CRYBG2: variants seen among roughly 807,000 people sequenced by gnomAD.
CRYBG2 encodes crystallin beta-gamma domain containing 2.
In CRYBG2, 106 loss-of-function variants were observed where a neutral mutation model predicts 153.4. The observed-to-expected ratio is 0.69, with a 90% CI of 0.59 to 0.81. The LOEUF (loss-of-function observed/expected upper bound fraction) is 0.81, where lower values mean the gene tolerates loss of function less well. Ranked by LOEUF, CRYBG2 falls within the 30% of genes least tolerant of loss-of-function variation. The probability of loss-of-function intolerance (pLI) is 0.00; values close to 1 mark genes in which losing one functional copy is unlikely to be tolerated. For missense variants in CRYBG2, 1,996 were observed against 2,112.0 expected, an observed-to-expected ratio of 0.95 and a Z score of 1.08; for synonymous variants, 851 against 877.8, an observed-to-expected ratio of 0.97 and a Z score of 0.54.
intron 18 of CRYBG2, among the ~76,000 whole-genome samples, 181 bp downstream of exon 18, chr1:26,323,971 C>T (rs980654673): frequency 1.3e-5 from 2 of 152,198 alleles, no homozygotes; most frequent in Non-Finnish European, 2.9e-5. Context: ...CTTGTTTTTA[C>T]AGACTGGGGC....
At position 26,346,038 on chromosome 1, in the gene CRYBG2, A is replaced by T; in HGVS notation, c.620T>A (p.Leu207Gln). 1.3e-6 allele frequency: 2 copies of T among 1,592,328 alleles called. No homozygotes were observed. The highest frequency in any genetic ancestry group is 1.7e-6 in the Non-Finnish European group (2 of 1,176,774). ...GCGGGAGACCTGACGGCCCCGTGGC[A>T]GGGCCTCGCCTGAGGACACTGGCCT... ...TVRPVSSGEA[L>Q]PRGRQVSRMV... Residue 207 changes from leucine (L) to glutamine (Q), a missense_variant, in exon 2 of 20, where the codon CTG becomes CAG. Physicochemically the swap from Leu to Gln is moderately radical, Grantham distance 113. Coordinates refer to ENST00000308182, the MANE Select transcript of CRYBG2 (RefSeq NM_001039775.4). This position sits in a 1 kb window ranked among gnomAD's most constrained non-coding sequence, Gnocchi z 4.9.
At chr1:26,341,455 T>G (rs1240474321) in intron 5 of CRYBG2, among the ~76,000 whole-genome samples, 4 of 152,354 alleles carry the variant, frequency 2.6e-5, no homozygotes, top group Admixed American at 2.6e-4. Context: ...AGTTTATTAC[T>G]GTGCGGTGAA....
chr1:26,350,319 C>T (rs1020586643), intron 1 of CRYBG2, among the ~76,000 whole-genome samples: 1 of 152,138 alleles, frequency 6.6e-6, no homozygotes, highest in Admixed American at 6.5e-5. Flanking sequence ...TAGGAACTCT[C>T]AGGTGAATTT....
intron 18 of CRYBG2, among the ~76,000 whole-genome samples, chr1:26,323,742 G>A (rs545800515): frequency 2.0e-5 from 3 of 152,154 alleles, no homozygotes; most frequent in African/African-American, 7.2e-5. Context: ...AGCCTCTTGA[G>A]TACCTGAGAC....
chr1:26,322,722 TCTAGA>T (rs1202602853), intron 18 of CRYBG2, among the ~76,000 whole-genome samples: 1 of 152,194 alleles, frequency 6.6e-6, no homozygotes, highest in African/African-American at 2.4e-5. Context: ...CCCACGGTAC[TCTAGA>T]CTAAAGATTA....
In CRYBG2 at chr1:26,354,018, C is replaced by T. The variant is rs2074311690; in HGVS notation, c.-56+18G>A. The T allele has an allele frequency of 5.0e-6, 2 of 399,678 alleles. No individual in the cohort carries two copies. Among genetic ancestry groups the T allele is most frequent in the East Asian group, 7.1e-5 (2 of 28,080 alleles). The allele number at this position is 399,678 out of a possible 1,614,324, so 24.8% of individuals were successfully genotyped here. ...CAGCCAGGCCAGTCTCCCCTCCCAT[C>T]TCCACACACAGACCGACCTCTACTC... On this transcript the variant is annotated intron_variant, in intron 1 of 19. Coordinates refer to ENST00000308182, the MANE Select transcript of CRYBG2 (RefSeq NM_001039775.4).
At chr1:26,342,926 T>C (rs745941019) in intron 4 of CRYBG2, 43 bp from the exon 5 acceptor site, 3 of 1,611,646 alleles carry the variant, frequency 1.9e-6, no homozygotes, top group Admixed American at 3.4e-5. Flanking sequence ...GGGAGGAGGA[T>C]GTGCCCAGGG....
chr1:26,326,445 G>A (rs1429254600), intron 17 of CRYBG2, among the ~76,000 whole-genome samples: 1 of 151,772 alleles, frequency 6.6e-6, no homozygotes, highest in Non-Finnish European at 1.5e-5. Context: ...GGCTGAGGCA[G>A]GAGAATGGCA....
Position 26,328,238 on chromosome 1 carries a change from T to C in CRYBG2, c.4549A>G (p.Arg1517Gly), listed in dbSNP as rs2073955972. Residue 1517 changes from arginine to glycine, a missense_variant, in exon 17 of 20, where the codon AGG (arginine) becomes GGG (glycine). By Grantham distance (125) the Arg-to-Gly change is moderately radical (BLOSUM62 -2). Transcript: ENST00000308182. ...TTGATGGGGTAGAGGGAGCCCACCC[T>C]CTGGGTGCCGCTGTAGGTCAGCCAG... ...TNWLTYSGTQ[R>G]VGSLYPIKQR... The C allele has an allele frequency of 6.4e-7, 1 of 1,564,844 alleles. No homozygotes were observed. The highest frequency in any genetic ancestry group is 8.7e-7 in the Non-Finnish European group (1 of 1,154,630).
intron 1 of CRYBG2, among the ~76,000 whole-genome samples, chr1:26,351,251 C>G (rs1484340515): frequency 6.6e-6 from 1 of 152,184 alleles, no homozygotes; most frequent in Non-Finnish European, 1.5e-5. Flanking sequence ...CCCTGCCCTC[C>G]TCGCTGGGAC....
chr1:26,327,690 T>C (rs889018421), intron 17 of CRYBG2, among the ~76,000 whole-genome samples: 3 of 151,338 alleles, frequency 2.0e-5, no homozygotes, highest in African/African-American at 7.3e-5. Context: ...CTCACGTCTG[T>C]AATCCCAGCA....
chr1:26,324,049 C>A, intron 18 of CRYBG2, 103 bp downstream of exon 18: 1 of 1,293,630 alleles, frequency 7.7e-7, no homozygotes. Flanking sequence ...GTCCTGGCTT[C>A]TGTGTGCATC....
At position 26,328,199 on chromosome 1, in the gene CRYBG2, C is replaced by G. The variant is rs776529567; in HGVS notation, c.4578+10G>C. The G allele has an allele frequency of 1.9e-6, 3 of 1,560,838 alleles. No individual in the cohort carries two copies. In the East Asian group the frequency reaches 7.2e-5, roughly 38 times the overall value. ...CCCCAGACACGCTCAGCTCCAGCCACGCTACCCACCTGCTTGATGGGGTAG... is the reference window on the plus strand; with the variant it reads ...CCCCAGACACGCTCAGCTCCAGCCAGGCTACCCACCTGCTTGATGGGGTAG... On this transcript the variant is annotated intron_variant, in intron 17 of 19. Coordinates refer to ENST00000308182, the MANE Select transcript of CRYBG2 (RefSeq NM_001039775.4).
chr1:26,337,110 G>C (rs2124704245), intron 10 of CRYBG2, 130 bp from the exon 11 acceptor site: 1 of 1,551,682 alleles, frequency 6.4e-7, no homozygotes, highest in East Asian at 2.3e-5. Flanking sequence ...GAGAAGAGCA[G>C]CAGGGGAAGA....
At chr1:26,324,353 G>A (rs1178238848) in intron 17 of CRYBG2, 43 bp from the exon 18 acceptor site, 2 of 1,550,678 alleles carry the variant, frequency 1.3e-6, no homozygotes, top group African/African-American at 2.7e-5. Flanking sequence ...GCCGGGGAGG[G>A]ATGACCTGGG....
chr1:26,328,999 C>T (rs1570171836), intron 15 of CRYBG2, 126 bp from the exon 16 acceptor site: 3 of 1,184,366 alleles, frequency 2.5e-6, no homozygotes. Context: ...GAGCTCAGTT[C>T]TGCAGGGCCA....
intron 14 of CRYBG2, among the ~76,000 whole-genome samples, chr1:26,334,784 G>C (rs973272637): frequency 6.6e-6 from 1 of 152,018 alleles, no homozygotes; most frequent in East Asian, 2.0e-4. Context: ...TTAGCTGGGC[G>C]TGGTGGCGGG....
In CRYBG2 at chr1:26,325,704, G is replaced by A. The variant is rs912373561; in HGVS notation, c.4579-1394C>T. Among the ~76,000 whole-genome samples, 4 of 151,920 alleles carry A rather than the reference G, an allele frequency of 2.6e-5. No individual in the cohort carries two copies. Among genetic ancestry groups the A allele is most frequent in the African/African-American group, 9.7e-5 (4 of 41,346 alleles). On this transcript the variant is annotated intron_variant, in intron 17 of 19. Coordinates refer to ENST00000308182, the MANE Select transcript of CRYBG2 (RefSeq NM_001039775.4). This position sits in a 1 kb window ranked among gnomAD's most constrained non-coding sequence, Gnocchi z 4.1. The stretch of plus-strand genomic sequence containing the variant: ...CCTGATGAGCACAGAAATACCCTCA[G>A]ATGGGAACATGCATGCACACACACA...
Position 26,346,255 on chromosome 1 carries a change from C to T in CRYBG2, c.403G>A (p.Val135Met). Reference sequence around the variant, plus strand: ...AGCTCAGTCCTGGCCATAGCTCCCACACATGGGGGCTCAGTCCTGGGAGCT... The same window carrying T: ...AGCTCAGTCCTGGCCATAGCTCCCATACATGGGGGCTCAGTCCTGGGAGCT... ...RQAPRTEPPCVGAMARTELLV... is the reference protein window; with the variant it reads ...RQAPRTEPPCMGAMARTELLV... Residue 135 changes from valine to methionine, a missense_variant, in exon 2 of 20, where the codon GTG becomes ATG. Physicochemically the swap from Val to Met is conservative, Grantham distance 21. Transcript: ENST00000308182. This position sits in a 1 kb window ranked among gnomAD's most constrained non-coding sequence, Gnocchi z 4.9. The T allele has an allele frequency of 1.3e-6, 2 of 1,584,140 alleles. No homozygotes were observed. The highest frequency in any genetic ancestry group is 1.1e-5 in the South Asian group (1 of 89,612).
Sources: allele counts gnomAD v4.1 joint callset (sites outside exome capture counted in the v4.1 genomes callset), GRCh38; gene constraint gnomAD v4.1.1; non-coding constraint Gnocchi (gnomAD v3.1); transcripts MANE v1.5; gene names NCBI Gene and HGNC (gene_info 2026-07-23, HGNC 2026-07-21).